Variants in APOO observed in about 807,000 individuals in gnomAD.
The protein encoded by APOO is MICOS complex subunit MIC26.
In APOO, 11 loss-of-function variants were observed where a neutral mutation model predicts 23.1. The observed-to-expected ratio is 0.48, with a 90% CI of 0.30 to 0.79. APOO has a LOEUF of 0.79. APOO is among the 30% of genes least tolerant of loss of function. APOO has a pLI of 0.07. For synonymous variants in APOO, 59 were observed against 54.8 expected (o/e 1.08, Z -0.34); for missense variants, 160 against 142.7 (o/e 1.12, Z -0.62).
At chrX:23,896,212 G>T (rs967925869) in intron 1 of APOO, among the ~76,000 whole-genome samples, 2 of 109,580 alleles carry the variant, frequency 1.8e-5, no homozygotes, top group Non-Finnish European at 3.8e-5. Context: ...AGGTTGCGGT[G>T]AACGAAGATG....
intron 1 of APOO, among the ~76,000 whole-genome samples, chrX:23,894,792 G>A (rs1380585931): frequency 7.5e-5 from 8 of 106,794 alleles, no homozygotes; most frequent in Admixed American, 2.0e-4. Context: ...GTGAAACTCC[G>A]CTTAAAAAAA....
intron 5 of APOO, among the ~76,000 whole-genome samples, chrX:23,865,150 C>T (rs1925278844): frequency 9.0e-6 from 1 of 111,552 alleles, no homozygotes; most frequent in African/African-American, 3.3e-5. Flanking sequence ...CACCAGAAGG[C>T]AACAATAGTG....
At chrX:23,861,728 C>T (rs1925047578) in intron 5 of APOO, among the ~76,000 whole-genome samples, 1 of 107,793 alleles carries the variant, frequency 9.3e-6, no homozygotes, top group South Asian at 4.1e-4. Flanking sequence ...TGTATATGGT[C>T]ACTTCCTGCC....
chrX:23,894,167 CAG>C (rs1295598281), intron 1 of APOO, among the ~76,000 whole-genome samples: 2 of 109,517 alleles, frequency 1.8e-5, no homozygotes, highest in East Asian at 2.9e-4. Flanking sequence ...TTTTTTGAGA[CAG>C]AGTCTCGCCC....
Position 23,881,036 on chromosome X carries a change from C to G in APOO, c.10-84G>C, listed in dbSNP as rs1926099317. 5.8e-6 allele frequency: 3 copies of G among 521,084 alleles called. No individual in the cohort carries two copies. The East Asian group carries it at 1.2e-4, about 21-fold the overall frequency. 42.9% of individuals were successfully genotyped at this position (521,084 alleles called of 1,213,427 possible). ...GAGCATATTCATAACCTCAGCCACT[C>G]CCCACCCTGAAAGGCTTACTGTGCT... On this transcript the variant is annotated intron_variant, in intron 1 of 8. Transcript: ENST00000379226.
At chrX:23,881,744 C>G (rs1343102962) in intron 1 of APOO, among the ~76,000 whole-genome samples, 2 of 98,282 alleles carry the variant, frequency 2.0e-5, no homozygotes, top group East Asian at 6.3e-4. Context: ...CGAGACCAGC[C>G]TGGCCAACAT....
At chrX:23,836,637 T>C in intron 8 of APOO, 1 of 757,927 alleles carries the variant, frequency 1.3e-6, no homozygotes. Flanking sequence ...TTTTTTTTTT[T>C]TTTTCCCCAA....
chrX:23,868,720 A>G, intron 4 of APOO, 32 bp from the exon 5 acceptor site: 2 of 1,124,071 alleles, frequency 1.8e-6, no homozygotes. Flanking sequence ...AAGCAGTTCC[A>G]TAAATTTCTC....
At chrX:23,861,787 CAG>C (rs1431742016) in intron 5 of APOO, among the ~76,000 whole-genome samples, 3 of 99,132 alleles carry the variant, frequency 3.0e-5, no homozygotes, top group African/African-American at 1.1e-4. Context: ...CATGTACAGA[CAG>C]GGAGTTCTTT....
At chrX:23,875,337 G>A (rs751129962) in intron 3 of APOO, among the ~76,000 whole-genome samples, 3 of 110,665 alleles carry the variant, frequency 2.7e-5, no homozygotes, top group African/African-American at 6.5e-5. Flanking sequence ...GTGAAGACAA[G>A]AAGAGATACA....
intron 1 of APOO, among the ~76,000 whole-genome samples, chrX:23,898,556 T>A (rs761716361): frequency 8.9e-6 from 1 of 112,078 alleles, no homozygotes; most frequent in Admixed American, 9.5e-5. Flanking sequence ...AAAAATCATG[T>A]ACAAGACTCA....
At chrX:23,884,409 A>G (rs1926278652) in intron 1 of APOO, among the ~76,000 whole-genome samples, 2 of 111,879 alleles carry the variant, frequency 1.8e-5, no homozygotes, top group Non-Finnish European at 3.8e-5. Context: ...GGAAAGGAAG[A>G]GTGACGATGA....
intron 8 of APOO, among the ~76,000 whole-genome samples, chrX:23,837,791 T>C (rs1246384130): frequency 9.3e-6 from 1 of 108,045 alleles, no homozygotes; most frequent in African/African-American, 3.4e-5. Flanking sequence ...TCCAAGTAAC[T>C]GGGACTACAG....
intron 7 of APOO, among the ~76,000 whole-genome samples, chrX:23,850,057 G>A (rs1318001639): frequency 2.7e-5 from 3 of 111,829 alleles, no homozygotes; most frequent in Admixed American, 9.6e-5. Flanking sequence ...GAATGTCCAC[G>A]TTCTTTGGAA....
Position 23,880,935 on chromosome X carries a change from C to T in APOO, c.27G>A (p.Val9=). 1 of 1,181,910 alleles carries T rather than the reference C, an allele frequency of 8.5e-7. No individual in the cohort carries two copies. Among genetic ancestry groups the T allele is most frequent in the Non-Finnish European group, 1.1e-6 (1 of 881,839 alleles). Residue 9 remains valine, a synonymous_variant, in exon 2 of 9, where the codon GTG becomes GTA. Coordinates refer to ENST00000379226, the MANE Select transcript of APOO (RefSeq NM_024122.5). MFKVIQRS[V]GPASLSLLTF... is the part of the protein sequence containing the mutation. ...TGAGCAAGCTCAGGCTGGCTGGCCC[C>T]ACGGACCTCTGAATTACCTGAAATG...
chrX:23,867,073 C>T (rs1307322275), intron 5 of APOO, among the ~76,000 whole-genome samples: 1 of 110,943 alleles, frequency 9.0e-6, no homozygotes, highest in Non-Finnish European at 1.9e-5. Flanking sequence ...GCACTCCAGC[C>T]TGGGCGACAG....
intron 5 of APOO, among the ~76,000 whole-genome samples, chrX:23,866,706 T>C (rs1925351120): frequency 9.0e-6 from 1 of 110,861 alleles, no homozygotes; most frequent in Admixed American, 9.7e-5. Context: ...AGAGGATCAC[T>C]TGAGCCCAGG....
At chrX:23,862,138 C>G (rs1197409294) in intron 5 of APOO, among the ~76,000 whole-genome samples, 1 of 110,532 alleles carries the variant, frequency 9.0e-6, no homozygotes, top group African/African-American at 3.3e-5. Context: ...GACTGGATAA[C>G]CAAGAATCAC....
chrX:23,899,257 C>T (rs1329721080), intron 1 of APOO, among the ~76,000 whole-genome samples: 1 of 112,400 alleles, frequency 8.9e-6, no homozygotes, highest in East Asian at 2.8e-4. Context: ...CTATACTATC[C>T]ATAATGCATA....
Sources: allele counts gnomAD v4.1 joint callset (sites outside exome capture counted in the v4.1 genomes callset), GRCh38; gene constraint gnomAD v4.1.1; transcripts MANE v1.5; gene names NCBI Gene and HGNC (gene_info 2026-07-23, HGNC 2026-07-21).